DIP2A: variants seen among roughly 807,000 people sequenced by gnomAD.
DIP2A encodes the protein disco-interacting protein 2 homolog A.
Under a neutral mutation model 177.4 loss-of-function variants are expected in DIP2A, and 85 were observed. That is an observed-to-expected ratio of 0.48 (90% CI 0.40 to 0.57). The LOEUF is 0.57. Among genes scored for constraint, DIP2A ranks in the 20% least tolerant of loss-of-function variants. The probability of loss-of-function intolerance (pLI) is 0.00; values close to 1 mark genes in which losing one functional copy is unlikely to be tolerated. For missense variants in DIP2A, 1,791 were observed against 2,100.2 expected, an observed-to-expected ratio of 0.85 and a Z score of 2.88; for synonymous variants, 886 against 881.8, an observed-to-expected ratio of 1.00 and a Z score of -0.08.
At chr21:46,567,326 C>G (rs748286690) in intron 37 of DIP2A, 44 bp from the exon 38 acceptor site, 1 of 1,580,830 alleles carries the variant, frequency 6.3e-7, no homozygotes, top group Non-Finnish European at 8.6e-7. Flanking sequence ...GCCCCTGTGA[C>G]CTGTGCCTGT....
At chr21:46,547,220 T>C (rs1248272293) in intron 21 of DIP2A, 178 bp downstream of exon 21, 8 of 1,401,864 alleles carry the variant, frequency 5.7e-6, no homozygotes, top group Non-Finnish European at 6.5e-6. Flanking sequence ...CCAGAGTTAA[T>C]ATCCTTACTG....
At chr21:46,491,335 G>GACA (rs2057002271) in intron 3 of DIP2A, among the ~76,000 whole-genome samples, 2 of 151,956 alleles carry the variant, frequency 1.3e-5, no homozygotes, top group South Asian at 4.1e-4. Context: ...AAGCTCTTTT[G>GACA]ACAGGCCTTT....
intron 1 of DIP2A, among the ~76,000 whole-genome samples, chr21:46,467,038 T>A (rs2054891846): frequency 6.6e-6 from 1 of 152,190 alleles, no homozygotes; most frequent in Non-Finnish European, 1.5e-5. Context: ...GGCTCACGCC[T>A]GTAATCCCAG....
At chr21:46,554,539 G>A (rs778057015) in intron 26 of DIP2A, 36 bp from the exon 27 acceptor site, 45 of 1,600,658 alleles carry the variant, frequency 2.8e-5, no homozygotes, top group South Asian at 8.9e-5. Context: ...AGCCTCTTGC[G>A]GCCGGCCTCC....
intron 1 of DIP2A, among the ~76,000 whole-genome samples, chr21:46,466,792 CTT>C (rs2054872427): frequency 1.2e-5 from 1 of 83,116 alleles, no homozygotes; most frequent in Admixed American, 1.2e-4. Flanking sequence ...GATTCATAGA[CTT>C]CAACCAAAAA....
At chr21:46,466,411 C>T (rs1008370379) in intron 1 of DIP2A, among the ~76,000 whole-genome samples, 9 of 142,080 alleles carry the variant, frequency 6.3e-5, no homozygotes, top group Non-Finnish European at 9.0e-5. Context: ...TGCAGTGGCG[C>T]GATCTCAGCT....
At chr21:46,532,052 A>G (rs1277513378) in intron 9 of DIP2A, 75 bp from the exon 10 acceptor site, 3 of 1,398,126 alleles carry the variant, frequency 2.1e-6, no homozygotes, top group Admixed American at 2.3e-5. Flanking sequence ...AATTTTATTT[A>G]TAACTAGCTT....
rs1206349298 is a variant in DIP2A, at chr21:46,539,914, C to G, written c.1959C>G (p.Phe653Leu). The change falls in exon 17 of 38, where the codon TTC (phenylalanine) becomes TTG (leucine). Residue 653 changes from phenylalanine (F) to leucine (L), a missense_variant. Physicochemically the swap from Phe to Leu is conservative, Grantham distance 22 (BLOSUM62 0). Transcript: ENST00000417564. ...CCTGTGACGCCTTCCTCAACGTCTTCCAGTCCAGAGGTCTGAGGCCAGAGG... is the reference window on the plus strand; with the variant it reads ...CCTGTGACGCCTTCCTCAACGTCTTGCAGTCCAGAGGTCTGAGGCCAGAGG... ...ISSCDAFLNV[F>L]QSRGLRPEVI... is the part of the protein sequence containing the mutation. The G allele has an allele frequency of 1.9e-6, 3 of 1,613,930 alleles. No homozygotes were observed. Among genetic ancestry groups the G allele is most frequent in the Non-Finnish European group, 8.5e-7 (1 of 1,179,902 alleles).
At chr21:46,504,190 A>C in intron 5 of DIP2A, 171 bp from the exon 6 acceptor site, 2 of 825,934 alleles carry the variant, frequency 2.4e-6, no homozygotes, top group South Asian at 1.6e-5. Context: ...GGGAGTTCAT[A>C]GGGTCCCAGT....
At position 46,516,488 on chromosome 21, in the gene DIP2A, CTTTTTT is replaced by C. The variant is rs1158910021; in HGVS notation, c.1102+4890_1102+4895del. On this transcript the variant is annotated intron_variant, in intron 8 of 37. Coordinates refer to ENST00000417564, the MANE Select transcript of DIP2A (RefSeq NM_015151.4). ...TCTTTAATCTTGTCTTCTGAAATTT[CTTTTTT>C]TTTTTTTTTTTTTTTGAGATGGAGT... Among the ~76,000 whole-genome samples the C allele has an allele frequency of 4.7e-3, 356 of 76,366 alleles. 9 individuals are homozygous for C. The highest frequency in any genetic ancestry group is 7.5e-3 in the South Asian group (16 of 2,132). The allele number at this position is 76,366 out of a possible 152,430, so 50.1% of individuals were successfully genotyped here.
chr21:46,540,607 C>T (rs1265846091), intron 17 of DIP2A, among the ~76,000 whole-genome samples: 2 of 152,312 alleles, frequency 1.3e-5, no homozygotes, highest in Middle Eastern at 3.4e-3. Context: ...GGGTAGAACT[C>T]AGTGTGCTCA....
At chr21:46,546,107 TCA>T (rs1181816680) in intron 20 of DIP2A, 146 bp downstream of exon 20, 4 of 1,492,326 alleles carry the variant, frequency 2.7e-6, no homozygotes, top group Non-Finnish European at 3.6e-6. Context: ...TCCCTGCCCA[TCA>T]CCCTACCTGT....
intron 1 of DIP2A, 115 bp downstream of exon 1, chr21:46,459,337 C>T (rs578144602): frequency 6.1e-6 from 5 of 813,420 alleles, no homozygotes; most frequent in South Asian, 2.1e-5. Flanking sequence ...CGCCCTTCAC[C>T]CCCGGGACCC....
At position 46,503,756 on chromosome 21, in the gene DIP2A, C is replaced by T. The variant is rs556098626; in HGVS notation, c.656-605C>T. ...CTTTTTTCTTTTTGAGAGAGAGTGT[C>T]GCTCTGTTGCCCAAGTTAGAGTGCA... is the stretch of plus-strand genomic sequence containing the variant. On this transcript the variant is annotated intron_variant, in intron 5 of 37. Transcript: ENST00000417564. Among the ~76,000 whole-genome samples the T allele has an allele frequency of 7.9e-4, 119 of 150,512 alleles. 1 individual carries two copies. The highest frequency in any genetic ancestry group is 7.5e-3 in the Admixed American group (112 of 15,024).
the DIP2A span, among the ~76,000 whole-genome samples, chr21:46,575,107 G>T: frequency 6.6e-6 from 1 of 152,108 alleles, no homozygotes; most frequent in Non-Finnish European, 1.5e-5. Context: ...CTCCTGGAAT[G>T]TAAGGATGAT....
chr21:46,466,415 C>G (rs1287837586), intron 1 of DIP2A, among the ~76,000 whole-genome samples: 1 of 135,320 alleles, frequency 7.4e-6, no homozygotes, highest in Non-Finnish European at 1.5e-5. Context: ...GTGGCGCGAT[C>G]TCAGCTCACT....
chr21:46,561,646 A>G (rs758998403), intron 33 of DIP2A, 102 bp from the exon 34 acceptor site: 31 of 1,434,424 alleles, frequency 2.2e-5, no homozygotes, highest in Non-Finnish European at 2.4e-5. Flanking sequence ...ACTGTTGTCA[A>G]CAGACCCTCA....
Position 46,547,040 on chromosome 21 carries a change from C to T in DIP2A, c.2520C>T (p.Gly840=). 3 of 1,613,760 alleles carry T rather than the reference C, an allele frequency of 1.9e-6. No homozygotes were observed. The highest frequency in any genetic ancestry group is 2.5e-6 in the Non-Finnish European group (3 of 1,179,714). The change falls in exon 21 of 38, where the codon GGC becomes GGT. Residue 840 remains glycine (G), a splice_region_variant and synonymous_variant. Transcript: ENST00000417564. ...AVEPMKFVYR[G]RIAVFSVTVL... Reference sequence around the variant, plus strand: ...AGCCCATGAAGTTTGTCTACAGAGGCAGGTGATGCGCTGCGGACCCCCACG... The same window carrying T: ...AGCCCATGAAGTTTGTCTACAGAGGTAGGTGATGCGCTGCGGACCCCCACG...
At chr21:46,564,317 ACT>A (rs1913822954) in intron 35 of DIP2A, among the ~76,000 whole-genome samples, 2 of 152,018 alleles carry the variant, frequency 1.3e-5, no homozygotes, top group Admixed American at 1.3e-4. Flanking sequence ...GCAATAGGGA[ACT>A]CTGCACCAGA....
Sources: allele counts gnomAD v4.1 joint callset (sites outside exome capture counted in the v4.1 genomes callset), GRCh38; gene constraint gnomAD v4.1.1; transcripts MANE v1.5; gene names NCBI Gene and HGNC (gene_info 2026-07-23, HGNC 2026-07-21).